Variants in API5 observed in about 807,000 individuals in gnomAD.
API5 encodes the protein apoptosis inhibitor 5.
A neutral mutation model predicts 71.9 loss-of-function variants in API5; 6 were observed. That is an observed-to-expected ratio of 0.08 (90% CI 0.05 to 0.16). The LOEUF (loss-of-function observed/expected upper bound fraction) is 0.16, where lower values mean the gene tolerates loss of function less well. Ranked by LOEUF, API5 falls within the 10% of genes least tolerant of loss-of-function variation. The pLI, the probability that API5 is intolerant of heterozygous loss-of-function variation, is 1.00. For missense variants in API5, 332 were observed against 612.8 expected (o/e 0.54, Z 4.84); for synonymous variants, 189 against 221.3 (o/e 0.85, Z 1.30).
intron 13 of API5, among the ~76,000 whole-genome samples, chr11:43,340,968 A>G (rs1299736258): frequency 6.6e-6 from 1 of 152,214 alleles, no homozygotes. Context: ...AGCAGAGGAA[A>G]CCATCAACAG....
At chr11:43,331,743 G>C (rs1479523684) in intron 11 of API5, among the ~76,000 whole-genome samples, 2 of 152,168 alleles carry the variant, frequency 1.3e-5, no homozygotes, top group African/African-American at 2.4e-5. Context: ...TCAGAAGAGA[G>C]AGGGAAGCAT....
chr11:43,342,936 A>G lies in API5; in HGVS notation c.*426A>G, dbSNP rs572170885. 12 of 361,946 alleles carry G rather than the reference A, an allele frequency of 3.3e-5. No individual in the cohort carries two copies. The South Asian group carries it at 4.0e-4, about 12-fold the overall frequency. 22.4% of individuals were successfully genotyped at this position (361,946 alleles called of 1,614,324 possible). A position where few individuals can be genotyped will look rare whatever the true frequency, so the allele number is the denominator to read the frequency against. ...AATATATGGAGAAGAGTAATGGTCA[A>G]TCTTAACATTTTGTTTTAATTGTTT... On this transcript the variant is annotated 3_prime_UTR_variant, in exon 14 of 14. Transcript: ENST00000531273.
chr11:43,320,541 C>T (rs1854842178), intron 2 of API5, among the ~76,000 whole-genome samples: 1 of 151,734 alleles, frequency 6.6e-6, no homozygotes, highest in Admixed American at 6.6e-5. Context: ...CCCAGTAGTT[C>T]GAGAACAGCC....
intron 6 of API5, among the ~76,000 whole-genome samples, chr11:43,325,071 G>T (rs1158414032): frequency 6.6e-6 from 1 of 151,558 alleles, no homozygotes; most frequent in Non-Finnish European, 1.5e-5. Context: ...TATATAAGGG[G>T]TCTTCAAAAA....
At chr11:43,312,261 GC>G in intron 1 of API5, 65 bp downstream of exon 1, 1 of 1,542,254 alleles carries the variant, frequency 6.5e-7, no homozygotes, top group East Asian at 2.3e-5. Flanking sequence ...AGCGCTTCCC[GC>G]CGCACTCCCC....
In API5 at chr11:43,318,375, T is replaced by C. The variant is rs879180404; in HGVS notation, c.70-265T>C. ...GTTAATAATCACTAGAATGAAGAAG[T>C]ATTGGCATATTAACAAACACATTTG... On this transcript the variant is annotated intron_variant, in intron 1 of 13. Transcript: ENST00000531273. 5 of 1,418,746 alleles carry C rather than the reference T, an allele frequency of 3.5e-6. No homozygotes were observed. The Admixed American group carries it at 1.0e-4, about 29-fold the overall frequency. 87.9% of individuals were successfully genotyped at this position (1,418,746 alleles called of 1,614,324 possible).
intron 9 of API5, chr11:43,329,096 C>A (rs1855166287): frequency 1.8e-6 from 1 of 544,566 alleles, no homozygotes; most frequent in African/African-American, 1.9e-5. Context: ...AATCCCAGCA[C>A]TTTGGGAGGC....
At chr11:43,327,598 C>G (rs539016306) in intron 7 of API5, among the ~76,000 whole-genome samples, 191 bp from the exon 8 acceptor site, 2 of 152,324 alleles carry the variant, frequency 1.3e-5, no homozygotes, top group East Asian at 1.9e-4. Flanking sequence ...GTCACATAAT[C>G]TCTGACCTTT....
At chr11:43,332,259 A>G (rs941631983) in intron 11 of API5, among the ~76,000 whole-genome samples, 1 of 152,212 alleles carries the variant, frequency 6.6e-6, no homozygotes, top group African/African-American at 2.4e-5. Context: ...ATAGTTCTGC[A>G]GTGGATACTA....
intron 11 of API5, among the ~76,000 whole-genome samples, chr11:43,333,139 A>G (rs536360863): frequency 1.3e-5 from 2 of 152,330 alleles, no homozygotes; most frequent in African/African-American, 4.8e-5. Context: ...AATGCAGTCA[A>G]TACAGGCCTT....
chr11:43,328,955 G>C, intron 9 of API5, 62 bp downstream of exon 9: 1 of 1,572,262 alleles, frequency 6.4e-7, no homozygotes, highest in South Asian at 1.1e-5. Context: ...GAAGTTCCTT[G>C]GGTTTTGCTT....
intron 2 of API5, among the ~76,000 whole-genome samples, chr11:43,320,460 G>C (rs928265781): frequency 5.3e-5 from 8 of 152,086 alleles, no homozygotes; most frequent in Middle Eastern, 3.4e-3. Context: ...AGTTGAGTTT[G>C]CAGCTGGGCA....
intron 12 of API5, among the ~76,000 whole-genome samples, 157 bp from the exon 13 acceptor site, chr11:43,335,701 A>G (rs1250876552): frequency 3.3e-5 from 5 of 152,260 alleles, no homozygotes; most frequent in African/African-American, 1.2e-4. Flanking sequence ...TAACCAAACT[A>G]TAATTAATTT....
Position 43,338,667 on chromosome 11 carries a change from AAAG to A in API5, c.1492+2674_1492+2676del, listed in dbSNP as rs1486244864. On this transcript the variant is annotated intron_variant, in intron 13 of 13. Transcript: ENST00000531273. Reference sequence around the variant, plus strand: ...TGGAGGTAAAAAAAAAAAAAAAAAAAAAGCATTTGCCAATATAGAAAAGATAAC... The same window carrying A: ...TGGAGGTAAAAAAAAAAAAAAAAAAACATTTGCCAATATAGAAAAGATAAC... 9.3e-5 allele frequency among the ~76,000 whole-genome samples: 14 copies of A among 150,026 alleles called. No homozygotes were observed. In the East Asian group the frequency reaches 2.5e-3, roughly 27 times the overall value.
chr11:43,318,482 GGTAA>G (rs751077949), intron 1 of API5, 154 bp from the exon 2 acceptor site: 44 of 1,537,074 alleles, frequency 2.9e-5, no homozygotes, highest in Non-Finnish European at 3.8e-5. Flanking sequence ...GAATTGGGAA[GGTAA>G]GTGTCAGTTT....
intron 1 of API5, among the ~76,000 whole-genome samples, chr11:43,317,384 T>A (rs1854708342): frequency 6.6e-6 from 1 of 152,116 alleles, no homozygotes; most frequent in Non-Finnish European, 1.5e-5. Flanking sequence ...ACCTGTGATT[T>A]TTTTTTTTAA....
chr11:43,312,306 G>C, intron 1 of API5, 110 bp downstream of exon 1: 1 of 1,207,762 alleles, frequency 8.3e-7, no homozygotes, highest in South Asian at 1.3e-5. Context: ...CATCCTCCCG[G>C]GGCCTCCTAG....
chr11:43,334,788 G>A (rs1260144233), intron 11 of API5, among the ~76,000 whole-genome samples: 1 of 152,076 alleles, frequency 6.6e-6, no homozygotes, highest in Non-Finnish European at 1.5e-5. Context: ...GGGGAAACAT[G>A]ATTAGCCAGA....
intron 11 of API5, among the ~76,000 whole-genome samples, chr11:43,332,627 C>T (rs774088681): frequency 1.3e-5 from 2 of 152,062 alleles, no homozygotes; most frequent in Non-Finnish European, 2.9e-5. Flanking sequence ...GTACTACTCT[C>T]CCAGCACGTG....
Sources: gnomAD v4.1 joint callset for allele counts (sites outside exome capture counted in the v4.1 genomes callset) on GRCh38, gnomAD v4.1.1 for gene constraint, MANE v1.5 for transcripts, NCBI Gene and HGNC (gene_info 2026-07-23, HGNC 2026-07-21) for gene names.